IL1RAPL2: variants seen among roughly 807,000 people sequenced by gnomAD.
IL1RAPL2 encodes interleukin 1 receptor accessory protein like 2.
A neutral mutation model predicts 44.1 loss-of-function variants in IL1RAPL2; 3 were observed. The ratio of observed to expected loss-of-function variants is 0.07; its 90% CI spans 0.03 to 0.18. IL1RAPL2 has a LOEUF of 0.18. Among genes scored for constraint, IL1RAPL2 ranks in the 10% least tolerant of loss-of-function variants. The pLI, the probability that IL1RAPL2 is intolerant of heterozygous loss-of-function variation, is 1.00. For synonymous variants in IL1RAPL2, 181 were observed against 178.8 expected, an observed-to-expected ratio of 1.01 and a Z score of -0.10; for missense variants, 391 against 496.4, an observed-to-expected ratio of 0.79 and a Z score of 2.02.
intron 2 of IL1RAPL2, among the ~76,000 whole-genome samples, chrX:104,968,831 TGA>T (rs1295881850): frequency 1.8e-5 from 2 of 111,325 alleles, no homozygotes; most frequent in African/African-American, 6.5e-5. Context: ...AAGATTTTAT[TGA>T]GAGATAGTAG....
At chrX:104,889,723 C>T (rs773234700) in intron 2 of IL1RAPL2, among the ~76,000 whole-genome samples, 5 of 111,800 alleles carry the variant, frequency 4.5e-5, no homozygotes, top group Admixed American at 2.8e-4. Context: ...CATTATCCTA[C>T]TACCACACAC....
At chrX:105,245,011 A>G (rs1423447436) in intron 4 of IL1RAPL2, among the ~76,000 whole-genome samples, 1 of 111,786 alleles carries the variant, frequency 8.9e-6, no homozygotes, top group Non-Finnish European at 1.9e-5. Context: ...AGAGTATGCT[A>G]TGGCCTGTTT....
intron 4 of IL1RAPL2, among the ~76,000 whole-genome samples, chrX:105,260,670 G>C (rs1039887943): frequency 6.3e-5 from 7 of 111,984 alleles, no homozygotes; most frequent in African/African-American, 2.3e-4. Context: ...TAGGATCGGG[G>C]ATCCACTTAA....
chrX:104,975,395 G>A (rs1180506633), intron 2 of IL1RAPL2, among the ~76,000 whole-genome samples: 1 of 111,676 alleles, frequency 9.0e-6, no homozygotes, highest in Non-Finnish European at 1.9e-5. Context: ...GTAATAGATG[G>A]CAATATTTGA....
intron 2 of IL1RAPL2, among the ~76,000 whole-genome samples, chrX:104,840,851 A>ATTT (rs35332052): frequency 2.9e-5 from 3 of 103,196 alleles, no homozygotes; most frequent in African/African-American, 1.1e-4. Context: ...TTATTTATTT[A>ATTT]TTTTTTTTTT....
intron 5 of IL1RAPL2, among the ~76,000 whole-genome samples, chrX:105,285,014 G>A (rs1266227781): frequency 1.8e-5 from 2 of 112,028 alleles, no homozygotes; most frequent in African/African-American, 6.5e-5. Flanking sequence ...AGAAGTTCGA[G>A]TTTTTGGACA....
chrX:105,053,111 C>G (rs2031949482), intron 2 of IL1RAPL2, among the ~76,000 whole-genome samples: 1 of 110,784 alleles, frequency 9.0e-6, no homozygotes, highest in Non-Finnish European at 1.9e-5. Context: ...CCCATCTTGT[C>G]CCCTCCCCTC....
intron 1 of IL1RAPL2, among the ~76,000 whole-genome samples, chrX:104,635,671 C>A (rs763333568): frequency 8.9e-6 from 1 of 111,928 alleles, no homozygotes; most frequent in South Asian, 3.8e-4. Flanking sequence ...ATGTAGTTCT[C>A]GTTCCGTGGT....
At chrX:104,850,184 G>T (rs1424178464) in intron 2 of IL1RAPL2, among the ~76,000 whole-genome samples, 4 of 111,166 alleles carry the variant, frequency 3.6e-5, no homozygotes, top group African/African-American at 6.5e-5. Context: ...TTTGGATAAA[G>T]AATTTTTAAT....
At chrX:105,098,114 G>T (rs780159520) in intron 2 of IL1RAPL2, among the ~76,000 whole-genome samples, 20 of 112,251 alleles carry the variant, frequency 1.8e-4, no homozygotes, top group Non-Finnish European at 3.4e-4. Flanking sequence ...TATAGTAGAA[G>T]AAGTGTCTAT....
At chrX:104,825,109 A>G (rs1423493611) in intron 2 of IL1RAPL2, among the ~76,000 whole-genome samples, 3 of 111,543 alleles carry the variant, frequency 2.7e-5, no homozygotes, top group Non-Finnish European at 5.6e-5. Flanking sequence ...CCTCTGTGGA[A>G]AGTATAGTCT....
Position 105,250,037 on chromosome X carries a change from TATATC to T in IL1RAPL2, c.543+16035_543+16039del, listed in dbSNP as rs1241152244. On this transcript the variant is annotated intron_variant, in intron 4 of 10. Transcript: ENST00000372582. ...ATTATTCAGATATGAGAAAAAATGA[TATATC>T]AAATCATAAAAAGACATGGAGAAAC... is the stretch of plus-strand genomic sequence containing the variant. Among the ~76,000 whole-genome samples, 339 of 111,306 alleles carry T rather than the reference TATATC, an allele frequency of 3.0e-3. 3 individuals carry two copies. The highest frequency in any genetic ancestry group is 0.011 in the African/African-American group (328 of 30,741).
chrX:105,533,695 C>T (rs1348898477), intron 6 of IL1RAPL2, among the ~76,000 whole-genome samples: 2 of 112,365 alleles, frequency 1.8e-5, no homozygotes, highest in Non-Finnish European at 3.8e-5. Flanking sequence ...CATGGAGTCA[C>T]ACAGTATGTA....
intron 2 of IL1RAPL2, among the ~76,000 whole-genome samples, chrX:104,906,456 CTTA>C (rs1425029018): frequency 9.0e-6 from 1 of 111,089 alleles, no homozygotes; most frequent in Non-Finnish European, 1.9e-5. Context: ...ATAGATAGCT[CTTA>C]TTATTTTGAA....
chrX:105,508,074 TGC>T (rs2036443792), intron 6 of IL1RAPL2, among the ~76,000 whole-genome samples: 2 of 111,629 alleles, frequency 1.8e-5, no homozygotes, highest in African/African-American at 6.5e-5. Context: ...TCTGTTCCAT[TGC>T]AATGTATAGC....
chrX:104,974,312 C>T (rs1569354182), intron 2 of IL1RAPL2, among the ~76,000 whole-genome samples: 1 of 111,855 alleles, frequency 8.9e-6, no homozygotes, highest in Admixed American at 9.5e-5. Context: ...AGTGATTTAC[C>T]TAGCTAAAAA....
intron 2 of IL1RAPL2, among the ~76,000 whole-genome samples, chrX:104,888,308 C>G (rs868202478): frequency 3.1e-5 from 3 of 97,662 alleles, no homozygotes; most frequent in Admixed American, 2.2e-4. Flanking sequence ...GAGACAGAGA[C>G]AAAGAGGGAG....
chrX:105,411,139 CACAA>C (rs1210510396), intron 5 of IL1RAPL2, among the ~76,000 whole-genome samples: 2 of 110,727 alleles, frequency 1.8e-5, no homozygotes, highest in South Asian at 3.8e-4. Flanking sequence ...CCATGATAAC[CACAA>C]ACAAAGAAAT....
At chrX:105,694,244 TA>T (rs1345321563) in intron 6 of IL1RAPL2, among the ~76,000 whole-genome samples, 1 of 111,581 alleles carries the variant, frequency 9.0e-6, no homozygotes, top group Admixed American at 9.5e-5. Flanking sequence ...GGAAGACCTA[TA>T]AAGAAGTTGT....
Sources: gnomAD v4.1 joint callset for allele counts (sites outside exome capture counted in the v4.1 genomes callset) on GRCh38, gnomAD v4.1.1 for gene constraint, MANE v1.5 for transcripts, NCBI Gene and HGNC (gene_info 2026-07-23, HGNC 2026-07-21) for gene names.